Variants in THSD7A observed in about 807,000 individuals in gnomAD.
THSD7A encodes thrombospondin type-1 domain-containing protein 7A.
THSD7A carries 96 observed loss-of-function variants against 231.3 expected under a neutral mutation model. The observed-to-expected ratio is 0.41, with a 90% confidence interval of 0.35 to 0.49. The LOEUF is 0.49. Among genes scored for constraint, THSD7A ranks in the 20% least tolerant of loss-of-function variants. The probability of loss-of-function intolerance (pLI) is 0.05; values close to 1 mark genes in which losing one functional copy is unlikely to be tolerated. For synonymous variants in THSD7A, 940 were observed against 743.3 expected, an observed-to-expected ratio of 1.26 and a Z score of -4.30; for missense variants, 2,290 against 2,070.2, an observed-to-expected ratio of 1.11 and a Z score of -2.06.
At chr7:11,596,130 G>A (rs1484241754) in intron 2 of THSD7A, among the ~76,000 whole-genome samples, 1 of 152,204 alleles carries the variant, frequency 6.6e-6, no homozygotes, top group Non-Finnish European at 1.5e-5. Context: ...TGAAAGGGAG[G>A]CTGGGTCCCC....
At chr7:11,654,884 T>C (rs755607557) in intron 1 of THSD7A, among the ~76,000 whole-genome samples, 11 of 151,898 alleles carry the variant, frequency 7.2e-5, no homozygotes, top group Non-Finnish European at 1.3e-4. Flanking sequence ...AAGAATATAA[T>C]AGAGAATAAA....
Position 11,411,169 on chromosome 7 carries a change from G to T in THSD7A, c.3798+38C>A. The T allele has an allele frequency of 2.7e-6, 4 of 1,497,342 alleles. No individual in the cohort carries two copies. The highest frequency in any genetic ancestry group is 3.7e-6 in the Non-Finnish European group (4 of 1,078,944). 92.8% of individuals were successfully genotyped at this position (1,497,342 alleles called of 1,614,324 possible). A position where few individuals can be genotyped will look rare whatever the true frequency, so the allele number is the denominator to read the frequency against. On this transcript the variant is annotated intron_variant, in intron 19 of 27. Coordinates refer to ENST00000423059, the MANE Select transcript of THSD7A (RefSeq NM_015204.3). The surrounding 1 kb of genome is among the most constrained non-coding windows in gnomAD (Gnocchi z 4.1). Reference sequence around the variant, plus strand: ...AGCATGAATTGAAATTATTAGGGAAGAATTTACTCGCGAAGATATAACACA... The same window carrying T: ...AGCATGAATTGAAATTATTAGGGAATAATTTACTCGCGAAGATATAACACA...
At chr7:11,656,339 A>T (rs1449964064) in intron 1 of THSD7A, among the ~76,000 whole-genome samples, 1 of 151,858 alleles carries the variant, frequency 6.6e-6, no homozygotes, top group African/African-American at 2.4e-5. Context: ...TTTTACAGGA[A>T]TCAGTTCCAG....
intron 1 of THSD7A, among the ~76,000 whole-genome samples, chr7:11,772,889 T>C (rs570974235): frequency 1.3e-5 from 2 of 152,326 alleles, no homozygotes; most frequent in Non-Finnish European, 2.9e-5. Flanking sequence ...AAAGTTCATT[T>C]TGATAAATAA....
At chr7:11,570,271 TCA>T (rs1206024894) in intron 4 of THSD7A, among the ~76,000 whole-genome samples, 2 of 152,194 alleles carry the variant, frequency 1.3e-5, no homozygotes, top group Non-Finnish European at 2.9e-5. Flanking sequence ...ACACATGTTC[TCA>T]CTCATATGGT....
chr7:11,707,821 G>A (rs969489783), intron 1 of THSD7A, among the ~76,000 whole-genome samples: 1 of 150,724 alleles, frequency 6.6e-6, no homozygotes, highest in Admixed American at 6.6e-5. Context: ...TCTGGAAAGT[G>A]AAAGAAGCTT....
intron 1 of THSD7A, among the ~76,000 whole-genome samples, chr7:11,784,137 C>G (rs900293067): frequency 6.6e-6 from 1 of 151,694 alleles, no homozygotes; most frequent in African/African-American, 2.4e-5. Flanking sequence ...TCTCTATAAG[C>G]TATTAATACT....
intron 1 of THSD7A, among the ~76,000 whole-genome samples, chr7:11,648,322 A>G (rs976599450): frequency 4.0e-5 from 6 of 151,862 alleles, no homozygotes; most frequent in African/African-American, 1.5e-4. Context: ...TGAAGTTTTT[A>G]TTTTTTTAGC....
At chr7:11,804,166 G>C (rs1009293511) in intron 1 of THSD7A, among the ~76,000 whole-genome samples, 1 of 151,936 alleles carries the variant, frequency 6.6e-6, no homozygotes. Flanking sequence ...ATCATTAATA[G>C]AATTTTTTGT....
intron 11 of THSD7A, among the ~76,000 whole-genome samples, chr7:11,458,990 G>A (rs1275399882): frequency 6.6e-6 from 1 of 152,142 alleles, no homozygotes; most frequent in Non-Finnish European, 1.5e-5. Flanking sequence ...CCAAGGTTGT[G>A]CAGCTTATAC....
intron 4 of THSD7A, among the ~76,000 whole-genome samples, chr7:11,577,794 C>T (rs1400102711): frequency 6.6e-6 from 1 of 151,932 alleles, no homozygotes; most frequent in Non-Finnish European, 1.5e-5. Context: ...GGTGAAAGTG[C>T]TGTTTTAGAG....
At chr7:11,464,461 T>C (rs1447137295) in intron 9 of THSD7A, among the ~76,000 whole-genome samples, 1 of 152,166 alleles carries the variant, frequency 6.6e-6, no homozygotes, top group Non-Finnish European at 1.5e-5. Flanking sequence ...ACCTGGTGCA[T>C]AGCCAGGGCT....
chr7:11,412,951 T>C (rs911608388), intron 17 of THSD7A, among the ~76,000 whole-genome samples, 151 bp from the exon 18 acceptor site: 22 of 152,176 alleles, frequency 1.4e-4, no homozygotes, highest in African/African-American at 5.3e-4. Context: ...AGTTGTTCAA[T>C]GTATAAAATG....
At chr7:11,614,735 TACTC>T (rs992702727) in intron 2 of THSD7A, among the ~76,000 whole-genome samples, 1 of 152,202 alleles carries the variant, frequency 6.6e-6, no homozygotes, top group Non-Finnish European at 1.5e-5. Flanking sequence ...CATTATTTTT[TACTC>T]ACTATTTCCT....
At chr7:11,762,503 T>C (rs1782898097) in intron 1 of THSD7A, among the ~76,000 whole-genome samples, 1 of 151,890 alleles carries the variant, frequency 6.6e-6, no homozygotes, top group African/African-American at 2.4e-5. Context: ...AGCATTTTTA[T>C]ATGTTTGCTG....
intron 1 of THSD7A, among the ~76,000 whole-genome samples, chr7:11,769,137 A>ATTTTTTTTT (rs1313840996): frequency 5.5e-5 from 2 of 36,636 alleles, no homozygotes; most frequent in Admixed American, 3.8e-4. Context: ...ATATATATAT[A>ATTTTTTTTT]TATATATATA....
chr7:11,743,918 A>G (rs1336969733), intron 1 of THSD7A, among the ~76,000 whole-genome samples: 2 of 151,934 alleles, frequency 1.3e-5, no homozygotes, highest in East Asian at 3.9e-4. Flanking sequence ...GGCTTTGCGC[A>G]TATTGCTAAC....
intron 1 of THSD7A, among the ~76,000 whole-genome samples, chr7:11,735,592 T>C (rs1026458001): frequency 3.9e-5 from 6 of 151,910 alleles, no homozygotes; most frequent in African/African-American, 1.4e-4. Context: ...AAATCTGAAA[T>C]TCAAAACATT....
chr7:11,633,738 G>A (rs1781737463), intron 2 of THSD7A, among the ~76,000 whole-genome samples: 1 of 152,146 alleles, frequency 6.6e-6, no homozygotes, highest in Non-Finnish European at 1.5e-5. Flanking sequence ...ATTGGAAAGT[G>A]GAAAGCAGGG....
Sources: gnomAD v4.1 joint callset for allele counts (sites outside exome capture counted in the v4.1 genomes callset) on GRCh38, gnomAD v4.1.1 for gene constraint, Gnocchi (gnomAD v3.1) non-coding constraint, MANE v1.5 for transcripts, NCBI Gene and HGNC (gene_info 2026-07-23, HGNC 2026-07-21) for gene names.